Variants in CELSR1 observed in about 807,000 individuals in gnomAD.
The protein encoded by CELSR1 is adhesion G protein-coupled receptor C1.
Under a neutral mutation model 249.1 loss-of-function variants are expected in CELSR1, and 110 were observed. That is an observed-to-expected ratio of 0.44 (90% CI 0.38 to 0.52). The LOEUF (loss-of-function observed/expected upper bound fraction) is 0.52, where lower values mean the gene tolerates loss of function less well. Among genes scored for constraint, CELSR1 ranks in the 20% least tolerant of loss-of-function variants. The pLI is 0.00. For missense variants in CELSR1, 4,109 were observed against 4,296.4 expected, an observed-to-expected ratio of 0.96 and a Z score of 1.22; for synonymous variants, 2,113 against 1,900.0, an observed-to-expected ratio of 1.11 and a Z score of -2.92.
chr22:46,375,796 C>T (rs933643594), intron 24 of CELSR1, among the ~76,000 whole-genome samples: 6 of 152,290 alleles, frequency 3.9e-5, no homozygotes, highest in African/African-American at 1.2e-4. Context: ...CTGCCTGCCT[C>T]GGCCTCCTAA....
intron 20 of CELSR1, among the ~76,000 whole-genome samples, chr22:46,383,404 T>C (rs1326667957): frequency 6.6e-6 from 1 of 152,264 alleles, no homozygotes; most frequent in East Asian, 1.9e-4. Flanking sequence ...TCAAACTGTT[T>C]TGAATCATAA....
rs1423173056 is a variant in CELSR1 at position 46,390,471 on chromosome 22, T to G, written c.6266A>C (p.His2089Pro). 1 of 1,613,762 alleles carries G rather than the reference T, an allele frequency of 6.2e-7. No individual in the cohort carries two copies. ...PKGSVGNAVRHCSGEKGWLPP... is the reference protein window; with the variant it reads ...PKGSVGNAVRPCSGEKGWLPP... ...CAGCCAGCCCTTCTCCCCGCTGCAGTGTCGGACCGCATTTCCTGGGGAAGG... is the reference window on the plus strand; with the variant it reads ...CAGCCAGCCCTTCTCCCCGCTGCAGGGTCGGACCGCATTTCCTGGGGAAGG... Residue 2089 changes from histidine (H) to proline (P), a missense_variant, in exon 17 of 35, where the codon CAC becomes CCC. His to Pro is a moderately conservative substitution (Grantham distance 77). Transcript: ENST00000674500. The surrounding 1 kb of genome is among the most constrained non-coding windows in gnomAD (Gnocchi z 6.3).
intron 1 of CELSR1, among the ~76,000 whole-genome samples, chr22:46,529,353 G>A (rs1019624163): frequency 4.6e-5 from 7 of 152,088 alleles, no homozygotes; most frequent in Non-Finnish European, 7.4e-5. Context: ...GCCAGGCACA[G>A]AAAAACAAAT....
In CELSR1 at chr22:46,396,782, ATCCACGAGACCT is replaced by A; in HGVS notation, c.5702-48_5702-37del. The A allele has an allele frequency of 6.2e-7, 1 of 1,602,190 alleles. No individual in the cohort carries two copies. The highest frequency in any genetic ancestry group is 2.3e-5 in the East Asian group (1 of 44,154). ...AGAGCCAGCATTACCTCCACCCACA[ATCCACGAGACCT>A]TCCACGTTAAAATATCTGGAGCAAC... On this transcript the variant is annotated intron_variant, in intron 12 of 34. Transcript: ENST00000674500. The surrounding 1 kb of genome is among the most constrained non-coding windows in gnomAD (Gnocchi z 6.4).
rs375880503 is a variant in CELSR1, at chr22:46,396,054, C to T, written c.5843+551G>A. ...GGCCCAGTGAGGACTCCAGGTGAGT[C>T]ATTTGCATGTTTCAGGTGTGGACAC... On this transcript the variant is annotated intron_variant, in intron 13 of 34. Coordinates refer to ENST00000674500, the MANE Select transcript of CELSR1 (RefSeq NM_001378328.1). The surrounding 1 kb of genome is among the most constrained non-coding windows in gnomAD (Gnocchi z 6.4). 3.3e-5 allele frequency among the ~76,000 whole-genome samples: 5 copies of T among 152,276 alleles called. No individual in the cohort carries two copies. The East Asian group carries it at 7.7e-4, about 24-fold the overall frequency.
At position 46,440,228 on chromosome 22, in the gene CELSR1, T is replaced by C. The variant is rs1428880451; in HGVS notation, c.4184-817A>G. Among the ~76,000 whole-genome samples, 2 of 152,126 alleles carry C rather than the reference T, an allele frequency of 1.3e-5. No homozygotes were observed. The highest frequency in any genetic ancestry group is 4.8e-5 in the African/African-American group (2 of 41,420). ...TGTTCGCCATGCTTCGACCCAGTTG[T>C]TCCTGGACTGGCCGCTGCATCCTCC... On this transcript the variant is annotated intron_variant, in intron 2 of 34. Coordinates refer to ENST00000674500, the MANE Select transcript of CELSR1 (RefSeq NM_001378328.1). The surrounding 1 kb of genome is among the most constrained non-coding windows in gnomAD (Gnocchi z 4.7).
chr22:46,526,771 C>G lies in CELSR1; in HGVS notation c.3544+6856G>C, dbSNP rs904840821. Among the ~76,000 whole-genome samples the G allele has an allele frequency of 1.3e-4, 20 of 152,222 alleles. No individual in the cohort carries two copies. Among genetic ancestry groups the G allele is most frequent in the African/African-American group, 4.3e-4 (18 of 41,458 alleles). ...GCTCCTCAAGGCTGGGCCTGGGTCC[C>G]CTCCTAACTGCCAGCACCCTCACTT... On this transcript the variant is annotated intron_variant, in intron 1 of 34. Coordinates refer to ENST00000674500, the MANE Select transcript of CELSR1 (RefSeq NM_001378328.1). The surrounding 1 kb of genome is among the most constrained non-coding windows in gnomAD (Gnocchi z 4.7).
chr22:46,463,658 T>C (rs1488198443), intron 2 of CELSR1, 49 bp downstream of exon 2: 10 of 1,458,542 alleles, frequency 6.9e-6, no homozygotes, highest in African/African-American at 2.8e-5. Context: ...CCCTCGGCCA[T>C]GTGACCTGGG....
rs2079558134 is a variant in CELSR1 at position 46,428,298 on chromosome 22, G to A, written c.4611+5095C>T. ...CCAAGGACTCCAGCAGCCAGCTCAG[G>A]CATGGGGCTTCATTGCGTGTGGTCT... On this transcript the variant is annotated intron_variant, in intron 5 of 34. Transcript: ENST00000674500. This position sits in a 1 kb window ranked among gnomAD's most constrained non-coding sequence, Gnocchi z 5.7. 6.6e-6 allele frequency among the ~76,000 whole-genome samples: 1 copy of A among 152,222 alleles called. No individual in the cohort carries two copies. The highest frequency in any genetic ancestry group is 6.5e-5 in the Admixed American group (1 of 15,292).
In CELSR1 at chr22:46,396,530, G is replaced by C; in HGVS notation, c.5843+75C>G. ...CATATCTTTGGGTCAAAATAAGAAA[G>C]AGAAGACACTGAGTCGAGGGAACAC... On this transcript the variant is annotated intron_variant, in intron 13 of 34. Coordinates refer to ENST00000674500, the MANE Select transcript of CELSR1 (RefSeq NM_001378328.1). This position sits in a 1 kb window ranked among gnomAD's most constrained non-coding sequence, Gnocchi z 6.4. 2 of 1,379,548 alleles carry C rather than the reference G, an allele frequency of 1.4e-6. No homozygotes were observed. The highest frequency in any genetic ancestry group is 9.5e-7 in the Non-Finnish European group (1 of 1,057,766). 85.5% of individuals were successfully genotyped at this position (1,379,548 alleles called of 1,614,324 possible). A position where few individuals can be genotyped will look rare whatever the true frequency, so the allele number is the denominator to read the frequency against.
intron 5 of CELSR1, among the ~76,000 whole-genome samples, chr22:46,415,867 A>G (rs1377467435): frequency 6.6e-6 from 1 of 152,226 alleles, no homozygotes. Context: ...GGGATAAGTG[A>G]AAACAGCAGC....
chr22:46,483,801 T>G (rs559724794), intron 1 of CELSR1, among the ~76,000 whole-genome samples: 1 of 152,234 alleles, frequency 6.6e-6, no homozygotes, highest in South Asian at 2.1e-4. Context: ...CAAGGTAGAG[T>G]GAGGCCTGCA....
Position 46,410,497 on chromosome 22 carries a change from C to T in CELSR1, c.4834G>A (p.Val1612Met). 2 of 1,614,110 alleles carry T rather than the reference C, an allele frequency of 1.2e-6. No homozygotes were observed. The highest frequency in any genetic ancestry group is 1.7e-6 in the Non-Finnish European group (2 of 1,180,026). The change falls in exon 7 of 35, where the codon GTG becomes ATG. Residue 1612 changes from valine to methionine, a missense_variant. Physicochemically the swap from Val to Met is conservative, Grantham distance 21. This residue lies in a region of CELSR1 where 453 missense variants were observed against 492.0 expected (regional missense o/e 0.92). Coordinates refer to ENST00000674500, the MANE Select transcript of CELSR1 (RefSeq NM_001378328.1). This position sits in a 1 kb window ranked among gnomAD's most constrained non-coding sequence, Gnocchi z 6.8. Reference protein sequence around the residue: ...GVPNLPEDFPVHNRQFVGCMR... With the variant: ...GVPNLPEDFPMHNRQFVGCMR... ...CAGCCCACGAACTGCCGGTTGTGCA[C>T]TGGGAAGTCTTCTGGCAGGTTGGGG...
Position 46,535,231 on chromosome 22 carries a change from C to A in CELSR1, c.1940G>T (p.Arg647Leu), listed in dbSNP as rs750683956. ...GAAGCTGTAGTGCTCCACCTCCTCG[C>A]GGTCCAGCTCGGCACACACTGTGAT... ...GWITVCAELDREEVEHYSFGV... is the reference protein window; with the variant it reads ...GWITVCAELDLEEVEHYSFGV... The change falls in exon 1 of 35, where the codon CGC (arginine) becomes CTC (leucine). Residue 647 changes from arginine (R) to leucine (L), a missense_variant. By Grantham distance (102) the Arg-to-Leu change is moderately radical. Transcript: ENST00000674500. 1.9e-6 allele frequency: 3 copies of A among 1,609,600 alleles called. No individual in the cohort carries two copies. Among genetic ancestry groups the A allele is most frequent in the South Asian group, 1.1e-5 (1 of 91,070 alleles).
rs1002354191 is a variant in CELSR1 at position 46,506,820 on chromosome 22, G to A, written c.3544+26807C>T. On this transcript the variant is annotated intron_variant, in intron 1 of 34. Coordinates refer to ENST00000674500, the MANE Select transcript of CELSR1 (RefSeq NM_001378328.1). The surrounding 1 kb of genome is among the most constrained non-coding windows in gnomAD (Gnocchi z 4.1). ...ATAACAGGAAGCTGAGGCCAAGCCCGGGGGTGTCTTCTCCACGGTCTGTCA... is the reference window on the plus strand; with the variant it reads ...ATAACAGGAAGCTGAGGCCAAGCCCAGGGGTGTCTTCTCCACGGTCTGTCA... Among the ~76,000 whole-genome samples the A allele has an allele frequency of 2.6e-5, 4 of 152,270 alleles. No individual in the cohort carries two copies. The highest frequency in any genetic ancestry group is 1.3e-4 in the Admixed American group (2 of 15,286).
intron 1 of CELSR1, among the ~76,000 whole-genome samples, chr22:46,466,436 A>ACTC (rs2080097341): frequency 2.6e-5 from 4 of 152,218 alleles, no homozygotes; most frequent in Non-Finnish European, 5.9e-5. Context: ...CCCACACTAG[A>ACTC]GAGGGCACAT....
At position 46,440,302 on chromosome 22, in the gene CELSR1, G is replaced by A. The variant is rs934422706; in HGVS notation, c.4184-891C>T. Among the ~76,000 whole-genome samples the A allele has an allele frequency of 6.6e-6, 1 of 152,164 alleles. No homozygotes were observed. ...ACACTCCCGCCCCCGGACAGGGATGGTGAGCCGCAATCTGCACAGCCCATG... is the reference window on the plus strand; with the variant it reads ...ACACTCCCGCCCCCGGACAGGGATGATGAGCCGCAATCTGCACAGCCCATG... On this transcript the variant is annotated intron_variant, in intron 2 of 34. Coordinates refer to ENST00000674500, the MANE Select transcript of CELSR1 (RefSeq NM_001378328.1). The surrounding 1 kb of genome is among the most constrained non-coding windows in gnomAD (Gnocchi z 4.7).
At position 46,484,945 on chromosome 22, in the gene CELSR1, A is replaced by G. The variant is rs947094404; in HGVS notation, c.3545-20600T>C. The stretch of plus-strand genomic sequence containing the variant: ...GAAACTGCTGAGAACAGAAAAGCTG[A>G]GATTTCGTTTTTCTAGTTAAATATT... On this transcript the variant is annotated intron_variant, in intron 1 of 34. Coordinates refer to ENST00000674500, the MANE Select transcript of CELSR1 (RefSeq NM_001378328.1). The surrounding 1 kb of genome is among the most constrained non-coding windows in gnomAD (Gnocchi z 4.5). Among the ~76,000 whole-genome samples the G allele has an allele frequency of 2.0e-5, 3 of 151,748 alleles. No homozygotes were observed. Among genetic ancestry groups the G allele is most frequent in the Non-Finnish European group, 4.4e-5 (3 of 68,008 alleles).
At chr22:46,421,667 T>C (rs75217179) in intron 5 of CELSR1, among the ~76,000 whole-genome samples, 14,006 of 152,292 alleles carry the variant, frequency 0.092, 2,013 homozygotes, top group African/African-American at 0.31. Flanking sequence ...AAGACCCCTC[T>C]ATCGGCTTCT....
Sources: allele counts gnomAD v4.1 joint callset (sites outside exome capture counted in the v4.1 genomes callset), GRCh38; gene constraint gnomAD v4.1.1; regional missense constraint gnomAD v4.1.1; non-coding constraint Gnocchi (gnomAD v3.1); transcripts MANE v1.5; gene names NCBI Gene and HGNC (gene_info 2026-07-23, HGNC 2026-07-21).